The following TAPBP variants were observed in gnomAD, a reference collection of about 807,000 sequenced individuals.
TAPBP encodes the protein TAP binding protein.
Under a neutral mutation model 45.7 loss-of-function variants are expected in TAPBP, and 38 were observed. The observed-to-expected ratio is 0.83, with a 90% confidence interval of 0.64 to 1.09. The LOEUF (loss-of-function observed/expected upper bound fraction) is 1.09, where lower values mean the gene tolerates loss of function less well. Ranked by LOEUF, TAPBP falls within the 50% of genes least tolerant of loss-of-function variation. TAPBP has a pLI of 0.00. For synonymous variants in TAPBP, 226 were observed against 254.8 expected, an observed-to-expected ratio of 0.89 and a Z score of 1.08; for missense variants, 513 against 587.3, an observed-to-expected ratio of 0.87 and a Z score of 1.31.
chr6:33,309,724 T>A (rs1345011973), intron 3 of TAPBP, among the ~76,000 whole-genome samples: 1 of 137,382 alleles, frequency 7.3e-6, no homozygotes, highest in East Asian at 2.1e-4. Flanking sequence ...CCCAACCTTT[T>A]TTTTTTTTTT....
chr6:33,306,787 T>C (rs1768994673), intron 3 of TAPBP, among the ~76,000 whole-genome samples: 1 of 152,164 alleles, frequency 6.6e-6, no homozygotes, highest in African/African-American at 2.4e-5. Flanking sequence ...GAAACCAGCC[T>C]GACCAACATG....
At chr6:33,304,074 G>A (rs981234947) in intron 6 of TAPBP, 54 bp downstream of exon 6, 1 of 1,610,806 alleles carries the variant, frequency 6.2e-7, no homozygotes, top group Non-Finnish European at 8.5e-7. Flanking sequence ...CTTGGGAGTA[G>A]GTGGGGAAAG....
intron 7 of TAPBP, among the ~76,000 whole-genome samples, chr6:33,303,146 C>T (rs200806490): frequency 6.6e-6 from 1 of 151,970 alleles, no homozygotes; most frequent in Non-Finnish European, 1.5e-5. Flanking sequence ...TCGGGTGCAG[C>T]GGTTCACACC....
intron 3 of TAPBP, among the ~76,000 whole-genome samples, chr6:33,312,170 C>G (rs1433708014): frequency 6.6e-6 from 1 of 152,140 alleles, no homozygotes; most frequent in Non-Finnish European, 1.5e-5. Context: ...TATTCCACCC[C>G]ACCAGAGAGA....
In TAPBP at chr6:33,313,684, A is replaced by G. The variant is rs115997844; in HGVS notation, c.208+10T>C. The G allele has an allele frequency of 6.2e-7, 1 of 1,607,340 alleles. No homozygotes were observed. Among genetic ancestry groups the G allele is most frequent in the African/African-American group, 1.3e-5 (1 of 74,910 alleles). ...AGAGGTAGGGGGGCGGCGAGTCCCT[A>G]GAGACTCACCGTGTACACTGAGATA... On this transcript the variant is annotated intron_variant, in intron 2 of 7. Coordinates refer to ENST00000434618, the MANE Select transcript of TAPBP (RefSeq NM_003190.5). This position sits in a 1 kb window ranked among gnomAD's most constrained non-coding sequence, Gnocchi z 7.2.
intron 6 of TAPBP, 31 bp from the exon 7 acceptor site, chr6:33,304,020 G>A (rs746600048): frequency 3.1e-6 from 5 of 1,613,842 alleles, no homozygotes; most frequent in Admixed American, 1.7e-5. Flanking sequence ...GGGATGGGAT[G>A]CTGGAGTGGT....
Position 33,301,598 on chromosome 6 carries a change from A to G in TAPBP, c.*162T>C, listed in dbSNP as rs1183702670. ...CAAAAAAAAAAAAAAAAGAAAAATT[A>G]TCCCTTATATAAGTGAAAGAAAAAA... is the stretch of plus-strand genomic sequence containing the variant. On this transcript the variant is annotated 3_prime_UTR_variant, in exon 8 of 8. Coordinates refer to ENST00000434618, the MANE Select transcript of TAPBP (RefSeq NM_003190.5). The G allele has an allele frequency of 1.6e-6, 1 of 635,172 alleles. No homozygotes were observed. Among genetic ancestry groups the G allele is most frequent in the Non-Finnish European group, 2.8e-6 (1 of 362,632 alleles). 39.3% of individuals were successfully genotyped at this position (635,172 alleles called of 1,614,324 possible).
Position 33,313,350 on chromosome 6 carries a change from C to A in TAPBP, c.336G>T (p.Ala112=), listed in dbSNP as rs1171346214. ...SAKWASGLTP[A]QNCPRALDGA... is the part of the protein sequence containing the mutation. ...CATCCAGGGCCCGCGGGCAGTTCTG[C>A]GCGGGGGTCAGGCCGCTGGCCCATT... The change falls in exon 3 of 8, where the codon GCG becomes GCT. Residue 112 remains alanine (A), a synonymous_variant. Coordinates refer to ENST00000434618, the MANE Select transcript of TAPBP (RefSeq NM_003190.5). The surrounding 1 kb of genome is among the most constrained non-coding windows in gnomAD (Gnocchi z 7.2). The A allele has an allele frequency of 1.2e-6, 2 of 1,613,188 alleles. No individual in the cohort carries two copies. Among genetic ancestry groups the A allele is most frequent in the Non-Finnish European group, 1.7e-6 (2 of 1,179,900 alleles).
chr6:33,303,412 C>T (rs1768719493), intron 7 of TAPBP, among the ~76,000 whole-genome samples: 1 of 150,992 alleles, frequency 6.6e-6, no homozygotes, highest in Admixed American at 6.6e-5. Flanking sequence ...GAGACTCTGT[C>T]TCAAAAAAAA....
intron 3 of TAPBP, among the ~76,000 whole-genome samples, chr6:33,306,082 T>C (rs1282643595): frequency 6.6e-6 from 1 of 152,242 alleles, no homozygotes; most frequent in African/African-American, 2.4e-5. Context: ...GTTAAATCAT[T>C]AATACCTCTT....
Position 33,304,124 on chromosome 6 carries a change from T to C in TAPBP, c.1300+4A>G, listed in dbSNP as rs1768776278. ...GTCATGGTCAGGGTAGGGCTGACAC[T>C]TACCAGCCCAGCCCAGTGCCTTGAA... On this transcript the variant is annotated splice_donor_region_variant and intron_variant, in intron 6 of 7. Transcript: ENST00000434618. 1 of 1,612,752 alleles carries C rather than the reference T, an allele frequency of 6.2e-7. No homozygotes were observed.
At position 33,300,192 on chromosome 6, in the gene TAPBP, G is replaced by A. The variant is rs1158763451; in HGVS notation, c.*1568C>T. ...CTGGCGAGCACCATCTAGGGCTGAA[G>A]AACTAGGCAGTGGCTCCAGCGCGGG... is the stretch of plus-strand genomic sequence containing the variant. On this transcript the variant is annotated 3_prime_UTR_variant, in exon 8 of 8. Transcript: ENST00000434618. The A allele has an allele frequency of 6.5e-6, 1 of 153,836 alleles. No individual in the cohort carries two copies. Among genetic ancestry groups the A allele is most frequent in the Non-Finnish European group, 1.5e-5 (1 of 68,094 alleles). 9.5% of individuals were successfully genotyped at this position (153,836 alleles called of 1,614,324 possible).
At chr6:33,306,420 A>AT (rs1467738482) in intron 3 of TAPBP, among the ~76,000 whole-genome samples, 9 of 152,244 alleles carry the variant, frequency 5.9e-5, no homozygotes, top group Non-Finnish European at 1.2e-4. Flanking sequence ...GGTGAACAAG[A>AT]CAAGCAGTCC....
Position 33,304,426 on chromosome 6 carries a change from T to G in TAPBP, c.1081A>C (p.Ser361Arg), listed in dbSNP as rs1281620948. 1 of 1,612,036 alleles carries G rather than the reference T, an allele frequency of 6.2e-7. No homozygotes were observed. The highest frequency in any genetic ancestry group is 8.5e-7 in the Non-Finnish European group (1 of 1,178,996). The change falls in exon 5 of 8, where the codon AGC (serine) becomes CGC (arginine). Residue 361 changes from serine (S) to arginine (R), a missense_variant. By Grantham distance (110) the Ser-to-Arg change is moderately radical. Coordinates refer to ENST00000434618, the MANE Select transcript of TAPBP (RefSeq NM_003190.5). ...ALRHHSDGSV[S>R]LSGHLQPPPV... Reference sequence around the variant, plus strand: ...GGCGGCTGCAAGTGCCCAGAGAGGCTGACAGAGCCATCGGAATGGTGGCGC... The same window carrying G: ...GGCGGCTGCAAGTGCCCAGAGAGGCGGACAGAGCCATCGGAATGGTGGCGC...
In TAPBP at chr6:33,305,940, G is replaced by A. The variant is rs1433575919; in HGVS notation, c.470-553C>T. Reference sequence around the variant, plus strand: ...CTAAGTGCCTGGAGCCTGGCTGACCGGGTTCAAATCCCCTCTGCAGCTTAT... The same window carrying A: ...CTAAGTGCCTGGAGCCTGGCTGACCAGGTTCAAATCCCCTCTGCAGCTTAT... On this transcript the variant is annotated intron_variant, in intron 3 of 7. Transcript: ENST00000434618. This position sits in a 1 kb window ranked among gnomAD's most constrained non-coding sequence, Gnocchi z 4.4. 1.3e-5 allele frequency among the ~76,000 whole-genome samples: 2 copies of A among 152,174 alleles called. No homozygotes were observed. The highest frequency in any genetic ancestry group is 4.8e-5 in the African/African-American group (2 of 41,440).
At position 33,301,762 on chromosome 6, in the gene TAPBP, A is replaced by C. The variant is rs1292795497; in HGVS notation, c.1345T>G (p.Ter449GlyextTer19). 1.2e-6 allele frequency: 2 copies of C among 1,613,920 alleles called. No homozygotes were observed. Among genetic ancestry groups the C allele is most frequent in the Admixed American group, 1.7e-5 (1 of 59,984 alleles). Residue 449 changes from the stop codon to glycine, a stop_lost, in exon 8 of 8, where the codon TGA (stop) becomes GGA (glycine). Transcript: ENST00000434618. Reference sequence around the variant, plus strand: ...CCACAGGATGGCAGTGAGTGCCCTCACTCTGCTTTCTGGAAGAGAGGAAGG... The same window carrying C: ...CCACAGGATGGCAGTGAGTGCCCTCCCTCTGCTTTCTGGAAGAGAGGAAGG... The part of the protein sequence containing the change: ...TCKDSKKKAE[*>G]
In TAPBP at chr6:33,305,388, C is replaced by A. The variant is rs1420930535; in HGVS notation, c.470-1G>T. 5 of 1,512,308 alleles carry A rather than the reference C, an allele frequency of 3.3e-6. No homozygotes were observed. The highest frequency in any genetic ancestry group is 1.4e-5 in the African/African-American group (1 of 71,414). The allele number at this position is 1,512,308 out of a possible 1,614,324, so 93.7% of individuals were successfully genotyped here. A position where few individuals can be genotyped will look rare whatever the true frequency, so the allele number is the denominator to read the frequency against. On this transcript the variant is annotated splice_acceptor_variant, in intron 3 of 7. Transcript: ENST00000434618. LOFTEE classifies it high-confidence loss of function. This position sits in a 1 kb window ranked among gnomAD's most constrained non-coding sequence, Gnocchi z 4.4. ...GTGTGGGTGAGGACAGTCAGTACCA[C>A]TGAGGAAGACAGGGAGATGAGGGGT...
At chr6:33,307,714 T>C (rs1160836127) in intron 3 of TAPBP, among the ~76,000 whole-genome samples, 2 of 152,180 alleles carry the variant, frequency 1.3e-5, no homozygotes, top group African/African-American at 4.8e-5. Context: ...TAGCTCTGCT[T>C]CTTACACACT....
At position 33,305,325 on chromosome 6, in the gene TAPBP, G is replaced by A; in HGVS notation, c.532C>T (p.Leu178=). The A allele has an allele frequency of 6.4e-7, 1 of 1,557,488 alleles. No individual in the cohort carries two copies. Among genetic ancestry groups the A allele is most frequent in the Non-Finnish European group, 8.7e-7 (1 of 1,152,512 alleles). ...PRVRLGQDAL[L]DLSFAYMPPT... The stretch of plus-strand genomic sequence containing the variant: ...GGCATGTAGGCAAAGCTCAAGTCCA[G>A]CAGAGCATCTTGTCCCAGTCTCACT... The change falls in exon 4 of 8, where the codon CTG becomes TTG. Residue 178 remains leucine (L), a synonymous_variant. Transcript: ENST00000434618. The surrounding 1 kb of genome is among the most constrained non-coding windows in gnomAD (Gnocchi z 4.4).
Sources: gnomAD v4.1 joint callset for allele counts (sites outside exome capture counted in the v4.1 genomes callset) on GRCh38, gnomAD v4.1.1 for gene constraint, Gnocchi (gnomAD v3.1) non-coding constraint, MANE v1.5 for transcripts, NCBI Gene and HGNC (gene_info 2026-07-23, HGNC 2026-07-21) for gene names.